Variants in SEC31B observed in about 807,000 individuals in gnomAD.
The protein encoded by SEC31B is protein transport protein Sec31B.
A neutral mutation model predicts 135.0 loss-of-function variants in SEC31B; 113 were observed. The ratio of observed to expected loss-of-function variants is 0.84; its 90% CI spans 0.72 to 0.98. SEC31B has a LOEUF of 0.98. Among genes scored for constraint, SEC31B ranks in the 50% least tolerant of loss-of-function variants. SEC31B has a pLI of 0.00. For synonymous variants in SEC31B, 508 were observed against 549.4 expected (o/e 0.92, Z 1.05); for missense variants, 1,296 against 1,421.1 (o/e 0.91, Z 1.42).
Position 100,487,813 on chromosome 10 carries a change from C to T in SEC31B, c.3361-18G>A, listed in dbSNP as rs762046188. ...GGTGAGAGCTGTGGAGGGAATGACCCTTAGGTTAGTGAGCCCAACCCAGCT... is the reference window on the plus strand; with the variant it reads ...GGTGAGAGCTGTGGAGGGAATGACCTTTAGGTTAGTGAGCCCAACCCAGCT... On this transcript the variant is annotated intron_variant, in intron 25 of 25. Coordinates refer to ENST00000370345, the MANE Select transcript of SEC31B (RefSeq NM_015490.4). 7 of 1,613,382 alleles carry T rather than the reference C, an allele frequency of 4.3e-6. No homozygotes were observed. In the South Asian group the frequency reaches 5.5e-5, roughly 13 times the overall value.
intron 10 of SEC31B, among the ~76,000 whole-genome samples, chr10:100,504,934 G>A (rs148571289): frequency 3.4e-4 from 51 of 152,212 alleles, no homozygotes; most frequent in Admixed American, 9.2e-4. Flanking sequence ...AAGGTAAGTG[G>A]AGCCCTGTGC....
intron 9 of SEC31B, 173 bp from the exon 10 acceptor site, chr10:100,505,668 A>G: frequency 7.0e-7 from 1 of 1,421,322 alleles, no homozygotes; most frequent in East Asian, 2.6e-5. Context: ...TGGGACTCCC[A>G]TGCAAGTAGG....
At chr10:100,493,641 AAG>A (rs1313553202) in intron 19 of SEC31B, among the ~76,000 whole-genome samples, 2 of 152,208 alleles carry the variant, frequency 1.3e-5, no homozygotes, top group African/African-American at 2.4e-5. Context: ...GAGGTAACAC[AAG>A]AGAGTCTTGT....
rs1387320596 is a variant in SEC31B, at chr10:100,488,866, T to C, written c.3280A>G (p.Thr1094Ala). ...ALLQRCSLSA[T>A]DLKTKRKLEE... ...AGAAGGTTCAGACTTACTAAGTCAG[T>C]TGCAGACAGGGAGCAGCGTTGGAGA... is the stretch of plus-strand genomic sequence containing the variant. The change falls in exon 24 of 26, where the codon ACT (threonine) becomes GCT (alanine). Residue 1094 changes from threonine (T) to alanine (A), a missense_variant. Physicochemically the swap from Thr to Ala is moderately conservative, Grantham distance 58 (BLOSUM62 0). Coordinates refer to ENST00000370345, the MANE Select transcript of SEC31B (RefSeq NM_015490.4). 1.0e-5 allele frequency: 16 copies of C among 1,595,846 alleles called. No individual in the cohort carries two copies. Among genetic ancestry groups the C allele is most frequent in the Non-Finnish European group, 1.3e-5 (15 of 1,171,722 alleles).
chr10:100,488,937 T>C lies in SEC31B; in HGVS notation c.3209A>G (p.Glu1070Gly). ...HLPPEKMERKELPPEHQSLKS... is the reference protein window; with the variant it reads ...HLPPEKMERKGLPPEHQSLKS... ...CAAGGACTGATGCTCTGGGGGCAGC[T>C]CCTTCCTTTCCATCTTCTCAGGTGG... The change falls in exon 24 of 26, where the codon GAG becomes GGG. Residue 1070 changes from glutamate to glycine, a missense_variant. Glu to Gly is a moderately conservative substitution (Grantham distance 98). Coordinates refer to ENST00000370345, the MANE Select transcript of SEC31B (RefSeq NM_015490.4). 6.2e-7 allele frequency: 1 copy of C among 1,611,312 alleles called. No individual in the cohort carries two copies. Among genetic ancestry groups the C allele is most frequent in the Non-Finnish European group, 8.5e-7 (1 of 1,179,090 alleles).
At chr10:100,499,748 C>A in intron 11 of SEC31B, 150 bp from the exon 12 acceptor site, 1 of 623,394 alleles carries the variant, frequency 1.6e-6, no homozygotes, top group Non-Finnish European at 2.8e-6. Context: ...ATCTCTTTTT[C>A]CTCCCTGGAT....
intron 23 of SEC31B, 113 bp from the exon 24 acceptor site, chr10:100,489,087 G>A (rs867668466): frequency 2.0e-6 from 3 of 1,487,482 alleles, no homozygotes; most frequent in Admixed American, 5.0e-5. Context: ...TTACAGCAGA[G>A]TTGGGGAGAT....
At chr10:100,492,778 G>GA (rs1228273539) in intron 19 of SEC31B, among the ~76,000 whole-genome samples, 1 of 152,068 alleles carries the variant, frequency 6.6e-6, no homozygotes, top group Non-Finnish European at 1.5e-5. Context: ...TGAACAAGTG[G>GA]AAACCAAGAA....
chr10:100,496,419 T>C lies in SEC31B; in HGVS notation c.2149A>G (p.Lys717Glu), dbSNP rs1851410299. ...SPMALQDLMEKVMVLNRSLEQ... is the reference protein window; with the variant it reads ...SPMALQDLMEEVMVLNRSLEQ... The stretch of plus-strand genomic sequence containing the variant: ...AAGCTCCTGTTAAGAACCATCACCT[T>C]CTCCATCAGGTCCTGTAAGGGCAAG... The change falls in exon 18 of 26, where the codon AAG (lysine) becomes GAG (glutamate). Residue 717 changes from lysine to glutamate, a missense_variant. By Grantham distance (56) the Lys-to-Glu change is moderately conservative. Coordinates refer to ENST00000370345, the MANE Select transcript of SEC31B (RefSeq NM_015490.4). 6.2e-7 allele frequency: 1 copy of C among 1,613,962 alleles called. No homozygotes were observed. Among genetic ancestry groups the C allele is most frequent in the Non-Finnish European group, 8.5e-7 (1 of 1,179,992 alleles).
chr10:100,512,769 A>G (rs1237520792), intron 3 of SEC31B, among the ~76,000 whole-genome samples: 2 of 152,222 alleles, frequency 1.3e-5, no homozygotes, highest in Non-Finnish European at 1.5e-5. Context: ...GAGGAAGACT[A>G]CTAGAAAATA....
In SEC31B at chr10:100,505,929, C is replaced by A. The variant is rs896465575; in HGVS notation, c.1044+111G>T. 1.9e-6 allele frequency: 3 copies of A among 1,554,242 alleles called. No homozygotes were observed. In the East Asian group the frequency reaches 6.8e-5, roughly 35 times the overall value. On this transcript the variant is annotated intron_variant, in intron 9 of 25. Transcript: ENST00000370345. Reference sequence around the variant, plus strand: ...GCAAAGGTGCAGCCCTCCCAAACCCCGGGCCCTGGTCTCCCAATCTCCAAT... The same window carrying A: ...GCAAAGGTGCAGCCCTCCCAAACCCAGGGCCCTGGTCTCCCAATCTCCAAT...
chr10:100,505,934 C>T, intron 9 of SEC31B, 106 bp downstream of exon 9: 7 of 1,561,532 alleles, frequency 4.5e-6, no homozygotes, highest in Non-Finnish European at 6.1e-6. Flanking sequence ...AACCCCGGGC[C>T]CTGGTCTCCC....
chr10:100,498,745 GA>G lies in SEC31B; in HGVS notation c.1643del (p.Val548AlafsTer5), dbSNP rs775925291. 8 of 1,613,868 alleles carry G rather than the reference GA, an allele frequency of 5.0e-6. No individual in the cohort carries two copies. Among genetic ancestry groups the G allele is most frequent in the Non-Finnish European group, 6.8e-6 (8 of 1,179,850 alleles). The stretch of plus-strand genomic sequence containing the variant: ...TCTCCCAAGGAGTCATGTTCTGAGG[GA>G]CCAGCTCATCAAAGAAGGCTGAGGA... ...SASSAFFDEL[V>X]PQNMTPWEIP... is the part of the protein sequence containing the mutation. On this transcript the variant is annotated frameshift_variant, in exon 14 of 26. Coordinates refer to ENST00000370345, the MANE Select transcript of SEC31B (RefSeq NM_015490.4). LOFTEE classifies it high-confidence loss of function.
In SEC31B at chr10:100,510,194, T is replaced by A. The variant is rs116198196; in HGVS notation, c.204-683A>T. ...TGAGAGAAAGATTCAAACTCTTCTG[T>A]AACTATTAGAAGCAGGCTCCCTAGA... is the stretch of plus-strand genomic sequence containing the variant. On this transcript the variant is annotated intron_variant, in intron 3 of 25. Transcript: ENST00000370345. Among the ~76,000 whole-genome samples the A allele has an allele frequency of 2.4e-3, 361 of 152,300 alleles. 1 individual carries two copies. The highest frequency in any genetic ancestry group is 8.3e-3 in the African/African-American group (346 of 41,564).
chr10:100,509,531 G>C lies in SEC31B; in HGVS notation c.204-20C>G, dbSNP rs766770398. On this transcript the variant is annotated intron_variant, in intron 3 of 25. Coordinates refer to ENST00000370345, the MANE Select transcript of SEC31B (RefSeq NM_015490.4). The stretch of plus-strand genomic sequence containing the variant: ...TGAAACCTATAAAGAGGAGGAACTG[G>C]CATCAGTACAAACTTAGGTTCATGT... The C allele has an allele frequency of 6.3e-6, 10 of 1,586,284 alleles. No individual in the cohort carries two copies. Among genetic ancestry groups the C allele is most frequent in the South Asian group, 2.3e-5 (2 of 88,590 alleles).
intron 10 of SEC31B, among the ~76,000 whole-genome samples, chr10:100,502,803 C>T (rs1013185327): frequency 6.6e-6 from 1 of 152,176 alleles, no homozygotes; most frequent in Non-Finnish European, 1.5e-5. Flanking sequence ...CTTCATACCC[C>T]CTATAGCCAA....
intron 9 of SEC31B, 111 bp downstream of exon 9, chr10:100,505,929 C>T (rs896465575): frequency 1.3e-4 from 203 of 1,554,242 alleles, no homozygotes; most frequent in East Asian, 3.4e-4. Context: ...TCCCAAACCC[C>T]GGGCCCTGGT....
intron 3 of SEC31B, among the ~76,000 whole-genome samples, chr10:100,515,246 C>T (rs1851808272): frequency 6.6e-6 from 1 of 152,208 alleles, no homozygotes; most frequent in Non-Finnish European, 1.5e-5. Context: ...GAGCCGTGAT[C>T]GTGCCACTGC....
chr10:100,489,953 AGAG>A, intron 21 of SEC31B, 52 bp downstream of exon 21: 1 of 1,532,962 alleles, frequency 6.5e-7, no homozygotes, highest in South Asian at 1.3e-5. Flanking sequence ...CAAAGTAGTG[AGAG>A]GAGCAGGGGA....
Sources: gnomAD v4.1 joint callset for allele counts (sites outside exome capture counted in the v4.1 genomes callset) on GRCh38, gnomAD v4.1.1 for gene constraint, MANE v1.5 for transcripts, NCBI Gene and HGNC (gene_info 2026-07-23, HGNC 2026-07-21) for gene names.